The following MEIS1 variants were observed in gnomAD, a reference collection of about 807,000 sequenced individuals.
MEIS1 encodes homeobox protein Meis1.
A neutral mutation model predicts 50.8 loss-of-function variants in MEIS1; 5 were observed. The observed-to-expected ratio is 0.10, with a 90% CI of 0.05 to 0.21. The LOEUF is 0.21. Ranked by LOEUF, MEIS1 falls within the 10% of genes least tolerant of loss-of-function variation. The pLI, the probability that MEIS1 is intolerant of heterozygous loss-of-function variation, is 1.00. For synonymous variants in MEIS1, 176 were observed against 179.3 expected (o/e 0.98, Z 0.15); for missense variants, 318 against 517.3 (o/e 0.61, Z 3.74).
At chr2:66,482,922 A>C (rs1275086090) in intron 7 of MEIS1, among the ~76,000 whole-genome samples, 2 of 152,232 alleles carry the variant, frequency 1.3e-5, no homozygotes, top group Non-Finnish European at 2.9e-5. Flanking sequence ...ACTCATGGAG[A>C]ACAGGCTTTT....
chr2:66,514,488 T>C (rs1205408041), intron 8 of MEIS1, among the ~76,000 whole-genome samples: 1 of 152,178 alleles, frequency 6.6e-6, no homozygotes, highest in African/African-American at 2.4e-5. Context: ...ACCTAAATAA[T>C]AGTCTTCAGT....
intron 7 of MEIS1, among the ~76,000 whole-genome samples, chr2:66,487,727 A>G (rs1673176439): frequency 6.6e-6 from 1 of 152,208 alleles, no homozygotes; most frequent in Non-Finnish European, 1.5e-5. Context: ...CTTACAAGCC[A>G]TGTGCTCTAG....
intron 6 of MEIS1, chr2:66,443,324 C>T (rs913934494): frequency 4.6e-5 from 18 of 388,554 alleles, no homozygotes; most frequent in African/African-American, 3.9e-4. Context: ...TTTTATTTAC[C>T]CTCTATAATA....
intron 7 of MEIS1, among the ~76,000 whole-genome samples, chr2:66,476,717 A>G (rs1672901789): frequency 6.6e-6 from 1 of 152,066 alleles, no homozygotes; most frequent in Admixed American, 6.5e-5. Flanking sequence ...CACCCTTGTC[A>G]CGGGGCCTGA....
intron 9 of MEIS1, among the ~76,000 whole-genome samples, chr2:66,563,059 G>A (rs534407529): frequency 3.9e-5 from 6 of 152,252 alleles, no homozygotes; most frequent in African/African-American, 1.4e-4. Context: ...ATTTTAATGA[G>A]TGAGCAAAAC....
rs1377752990 is a variant in MEIS1 at position 66,571,760 on chromosome 2, A to G, written c.*552A>G. On this transcript the variant is annotated 3_prime_UTR_variant, in exon 13 of 13. Transcript: ENST00000272369. ...AGAGTGAAATATTGTAAATGCTATT[A>G]TACTGTTATCCATATTACGTTGTTT... 3.7e-6 allele frequency: 2 copies of G among 540,500 alleles called. No individual in the cohort carries two copies. The highest frequency in any genetic ancestry group is 3.3e-5 in the East Asian group (1 of 30,290). 33.5% of individuals were successfully genotyped at this position (540,500 alleles called of 1,614,324 possible).
intron 8 of MEIS1, among the ~76,000 whole-genome samples, chr2:66,537,088 G>A (rs370915940): frequency 1.3e-5 from 2 of 152,174 alleles, no homozygotes; most frequent in African/African-American, 4.8e-5. Context: ...CTGCTTGAGA[G>A]TGTCTGTTAG....
intron 8 of MEIS1, among the ~76,000 whole-genome samples, chr2:66,519,298 AT>A (rs1049530794): frequency 5.9e-5 from 9 of 152,188 alleles, no homozygotes; most frequent in Admixed American, 2.0e-4. Flanking sequence ...AGCAAAAAAA[AT>A]ATTTGATTGA....
At chr2:66,492,808 C>CT (rs1268202913) in intron 7 of MEIS1, among the ~76,000 whole-genome samples, 1 of 152,156 alleles carries the variant, frequency 6.6e-6, no homozygotes, top group African/African-American at 2.4e-5. Context: ...TTGGACAACT[C>CT]TTTTTTTGTT....
intron 6 of MEIS1, among the ~76,000 whole-genome samples, chr2:66,444,381 T>C (rs1391889283): frequency 3.9e-5 from 6 of 152,356 alleles, no homozygotes; most frequent in African/African-American, 7.2e-5. Context: ...TGTCATCTTA[T>C]GGTTTTCTTC....
chr2:66,456,107 GT>G (rs1672381109), intron 6 of MEIS1, among the ~76,000 whole-genome samples: 1 of 152,112 alleles, frequency 6.6e-6, no homozygotes, highest in South Asian at 2.1e-4. Flanking sequence ...AGGATTCAAT[GT>G]TTGAAAAATT....
intron 7 of MEIS1, among the ~76,000 whole-genome samples, chr2:66,484,579 A>T (rs966176401): frequency 1.3e-5 from 2 of 151,030 alleles, no homozygotes; most frequent in African/African-American, 4.9e-5. Flanking sequence ...TTTTTTTGAG[A>T]TGGAGTTTCA....
chr2:66,479,738 G>C (rs1194724911), intron 7 of MEIS1, among the ~76,000 whole-genome samples: 1 of 152,160 alleles, frequency 6.6e-6, no homozygotes, highest in South Asian at 2.1e-4. Flanking sequence ...AAATGCACTG[G>C]GGGATAAGGC....
intron 8 of MEIS1, among the ~76,000 whole-genome samples, chr2:66,529,142 C>T (rs1335375647): frequency 1.3e-5 from 2 of 152,130 alleles, no homozygotes; most frequent in Non-Finnish European, 2.9e-5. Context: ...AAAGTGGCCC[C>T]TGCCCCCAGG....
intron 8 of MEIS1, among the ~76,000 whole-genome samples, chr2:66,519,659 G>A (rs1281471735): frequency 6.6e-6 from 1 of 152,050 alleles, no homozygotes; most frequent in Non-Finnish European, 1.5e-5. Context: ...CAAATTATAG[G>A]CCAGTGAGCA....
rs866698070 is a variant in MEIS1 at position 66,435,844 on chromosome 2, G to A, written c.-13G>A. On this transcript the variant is annotated 5_prime_UTR_variant, in exon 1 of 13. Transcript: ENST00000272369. ...TATTAGAAGTTGAAGTAGGAAGGGA[G>A]CCAGAGAGGCCGATGGCGCAAAGGG... 6.4e-7 allele frequency: 1 copy of A among 1,569,794 alleles called. No individual in the cohort carries two copies. The highest frequency in any genetic ancestry group is 8.6e-7 in the Non-Finnish European group (1 of 1,161,830).
At chr2:66,484,183 A>G (rs1231912415) in intron 7 of MEIS1, among the ~76,000 whole-genome samples, 1 of 152,198 alleles carries the variant, frequency 6.6e-6, no homozygotes, top group Non-Finnish European at 1.5e-5. Flanking sequence ...GGGAAGCAAA[A>G]CTAGATTTAT....
chr2:66,567,052 G>T (rs1402551139), intron 9 of MEIS1, among the ~76,000 whole-genome samples: 7 of 152,144 alleles, frequency 4.6e-5, no homozygotes. Flanking sequence ...GAGAACATAA[G>T]ATTGAAATGT....
At chr2:66,487,566 A>G (rs562984910) in intron 7 of MEIS1, among the ~76,000 whole-genome samples, 9 of 152,356 alleles carry the variant, frequency 5.9e-5, no homozygotes, top group African/African-American at 1.9e-4. Context: ...GACTCTATGC[A>G]AAGATCAGCT....
Sources: gnomAD v4.1 joint callset for allele counts (sites outside exome capture counted in the v4.1 genomes callset) on GRCh38, gnomAD v4.1.1 for gene constraint, MANE v1.5 for transcripts, NCBI Gene and HGNC (gene_info 2026-07-23, HGNC 2026-07-21) for gene names.